The following KIF26A variants were observed in gnomAD, a reference collection of about 807,000 sequenced individuals.
The protein encoded by KIF26A is kinesin family member 26A.
In KIF26A, 74 loss-of-function variants were observed where a neutral mutation model predicts 126.0. The ratio of observed to expected loss-of-function variants is 0.59; its 90% CI spans 0.49 to 0.71. The LOEUF (loss-of-function observed/expected upper bound fraction) is 0.71, where lower values mean the gene tolerates loss of function less well. Among genes scored for constraint, KIF26A ranks in the 30% least tolerant of loss-of-function variants. The probability of loss-of-function intolerance (pLI) is 0.00; values close to 1 mark genes in which losing one functional copy is unlikely to be tolerated. For synonymous variants in KIF26A, 1,445 were observed against 1,232.7 expected, an observed-to-expected ratio of 1.17 and a Z score of -3.61; for missense variants, 2,984 against 2,763.3, an observed-to-expected ratio of 1.08 and a Z score of -1.79.
rs1299144051 is a variant in KIF26A, at chr14:104,151,968, C to T, written c.289-47C>T. ...TGCTGGTGGGCTCTGGGTGCCGGCC[C>T]TCCCTCCCCAGGCACTGACCCTGCC... On this transcript the variant is annotated intron_variant, in intron 2 of 14. Coordinates refer to ENST00000423312, the MANE Select transcript of KIF26A (RefSeq NM_015656.2). The surrounding 1 kb of genome is among the most constrained non-coding windows in gnomAD (Gnocchi z 4.9). The T allele has an allele frequency of 6.3e-7, 1 of 1,579,730 alleles. No individual in the cohort carries two copies. Among genetic ancestry groups the T allele is most frequent in the African/African-American group, 1.3e-5 (1 of 74,310 alleles).
At position 104,143,381 on chromosome 14, in the gene KIF26A, C is replaced by T. The variant is rs572295872; in HGVS notation, c.288+4093C>T. Among the ~76,000 whole-genome samples the T allele has an allele frequency of 1.6e-3, 240 of 152,330 alleles. 2 individuals carry two copies. The highest frequency in any genetic ancestry group is 5.3e-3 in the African/African-American group (221 of 41,582). Reference sequence around the variant, plus strand: ...CCTCCTACCGCTCTGTGTGGCTTGGCGAGTCCTGTTTCTCCTTGGACGCTG... The same window carrying T: ...CCTCCTACCGCTCTGTGTGGCTTGGTGAGTCCTGTTTCTCCTTGGACGCTG... On this transcript the variant is annotated intron_variant, in intron 2 of 14. Transcript: ENST00000423312.
At chr14:104,164,754 T>C (rs1261482096) in intron 4 of KIF26A, among the ~76,000 whole-genome samples, 2 of 147,692 alleles carry the variant, frequency 1.4e-5, no homozygotes. Context: ...TGTCTGTGTG[T>C]GTGCGCGTGT....
chr14:104,173,357 C>T lies in KIF26A; in HGVS notation c.1711C>T (p.Pro571Ser). 6.2e-7 allele frequency: 1 copy of T among 1,602,106 alleles called. No individual in the cohort carries two copies. The highest frequency in any genetic ancestry group is 1.7e-5 in the Admixed American group (1 of 58,448). The change falls in exon 9 of 15, where the codon CCC becomes TCC. Residue 571 changes from proline to serine, a missense_variant. By Grantham distance (74) the Pro-to-Ser change is moderately conservative (BLOSUM62 -1). Transcript: ENST00000423312. ...QLQNQSELRA[P>S]TAEKAAFYLD... Reference sequence around the variant, plus strand: ...CCAGAACCAAAGCGAGCTGCGGGCACCCACGGCCGAGAAGGCGGCTTTCTA... The same window carrying T: ...CCAGAACCAAAGCGAGCTGCGGGCATCCACGGCCGAGAAGGCGGCTTTCTA...
chr14:104,178,137 G>A (rs777249879), intron 12 of KIF26A, among the ~76,000 whole-genome samples: 6 of 152,232 alleles, frequency 3.9e-5, no homozygotes, highest in Admixed American at 6.5e-5. Context: ...GCCCCACCCT[G>A]CCCTGGGGGG....
At chr14:104,172,530 A>G (rs1311321233) in intron 6 of KIF26A, 45 bp from the exon 7 acceptor site, 4 of 1,481,142 alleles carry the variant, frequency 2.7e-6, no homozygotes, top group Admixed American at 1.7e-5. Context: ...CAGACGTGGC[A>G]GAAGGAAGGG....
rs1190491372 is a variant in KIF26A at position 104,179,931 on chromosome 14, AGT to A, written c.*145_*146del. ...GACGGGAGTCTCAGAGAGGAGACGGAGTGTGGGGGAGGGAGGGCCGGCCACGC... is the reference window on the plus strand; with the variant it reads ...GACGGGAGTCTCAGAGAGGAGACGGAGTGGGGGAGGGAGGGCCGGCCACGC... On this transcript the variant is annotated 3_prime_UTR_variant, in exon 15 of 15. Transcript: ENST00000423312. 2.4e-6 allele frequency: 2 copies of A among 845,534 alleles called. No individual in the cohort carries two copies. Among genetic ancestry groups the A allele is most frequent in the Middle Eastern group, 3.7e-4 (1 of 2,704 alleles). 52.4% of individuals were successfully genotyped at this position (845,534 alleles called of 1,614,324 possible).
intron 2 of KIF26A, among the ~76,000 whole-genome samples, chr14:104,147,970 G>A (rs2037694733): frequency 6.6e-6 from 1 of 152,230 alleles, no homozygotes; most frequent in African/African-American, 2.4e-5. Flanking sequence ...TGAGGTCTGG[G>A]GGTCTGATGG....
Position 104,179,746 on chromosome 14 carries a change from G to A in KIF26A, c.5605G>A (p.Ala1869Thr). Residue 1869 changes from alanine to threonine, a missense_variant, in exon 15 of 15, where the codon GCA (alanine) becomes ACA (threonine). Physicochemically the swap from Ala to Thr is moderately conservative, Grantham distance 58. Coordinates refer to ENST00000423312, the MANE Select transcript of KIF26A (RefSeq NM_015656.2). ...MMVTCFDISVAASAAIPGPQE... is the reference protein window; with the variant it reads ...MMVTCFDISVTASAAIPGPQE... The stretch of plus-strand genomic sequence containing the variant: ...GGTCACCTGCTTCGACATCAGCGTT[G>A]CAGCCAGTGCTGCCATCCCGGGGCC... 1 of 1,553,914 alleles carries A rather than the reference G, an allele frequency of 6.4e-7. No homozygotes were observed. Among genetic ancestry groups the A allele is most frequent in the Non-Finnish European group, 8.7e-7 (1 of 1,149,562 alleles).
At chr14:104,172,534 G>T in intron 6 of KIF26A, 41 bp from the exon 7 acceptor site, 1 of 1,507,728 alleles carries the variant, frequency 6.6e-7, no homozygotes. Context: ...CGTGGCAGAA[G>T]GAAGGGGCCA....
Position 104,166,946 on chromosome 14 carries a change from C to T in KIF26A, c.1011C>T (p.Pro337=). 6.3e-7 allele frequency: 1 copy of T among 1,592,634 alleles called. No homozygotes were observed. The highest frequency in any genetic ancestry group is 8.5e-7 in the Non-Finnish European group (1 of 1,170,660). ...CCACCCGCGGCACCTCCACCTACCC[C>T]ACCGACTTCAGCGGGGTCCTGCAGC... ...PPATRGTSTY[P]TDFSGVLQLW... The change falls in exon 5 of 15, where the codon CCC becomes CCT. Residue 337 remains proline, a synonymous_variant. Transcript: ENST00000423312.
At chr14:104,159,137 C>G (rs143770149) in intron 4 of KIF26A, among the ~76,000 whole-genome samples, 1 of 152,218 alleles carries the variant, frequency 6.6e-6, no homozygotes, top group African/African-American at 2.4e-5. Flanking sequence ...AGACCGCGCA[C>G]GTGACCAGTG....
rs2037732112 is a variant in KIF26A at position 104,151,802 on chromosome 14, A to G, written c.289-213A>G. Among the ~76,000 whole-genome samples the G allele has an allele frequency of 6.6e-6, 1 of 152,224 alleles. No individual in the cohort carries two copies. The highest frequency in any genetic ancestry group is 1.5e-5 in the Non-Finnish European group (1 of 68,030). ...CGGCTGGGGAAGGTGGACAGTTAAC[A>G]AGGACATTGTGAGCCTCACGATGAA... On this transcript the variant is annotated intron_variant, in intron 2 of 14. Transcript: ENST00000423312. The surrounding 1 kb of genome is among the most constrained non-coding windows in gnomAD (Gnocchi z 4.9).
In KIF26A at chr14:104,180,136, G is replaced by A. The variant is rs966027837; in HGVS notation, c.*346G>A. 8.5e-6 allele frequency: 2 copies of A among 235,644 alleles called. No individual in the cohort carries two copies. Among genetic ancestry groups the A allele is most frequent in the Admixed American group, 5.4e-5 (1 of 18,566 alleles). 14.6% of individuals were successfully genotyped at this position (235,644 alleles called of 1,614,324 possible). A position where few individuals can be genotyped will look rare whatever the true frequency, so the allele number is the denominator to read the frequency against. On this transcript the variant is annotated 3_prime_UTR_variant, in exon 15 of 15. Coordinates refer to ENST00000423312, the MANE Select transcript of KIF26A (RefSeq NM_015656.2). ...GCTGCGCCTGTCCGGGCCGGGGCTGGCGCCGGTTGTGTTTGTGTCCACCTT... is the reference window on the plus strand; with the variant it reads ...GCTGCGCCTGTCCGGGCCGGGGCTGACGCCGGTTGTGTTTGTGTCCACCTT...
rs1451451259 is a variant in KIF26A, at chr14:104,152,141, G to T, written c.415G>T (p.Ala139Ser). 4.3e-6 allele frequency: 7 copies of T among 1,611,260 alleles called. No homozygotes were observed. The highest frequency in any genetic ancestry group is 5.9e-6 in the Non-Finnish European group (7 of 1,179,502). ...ACACCTGCAGCAGCTCACACGGGAG[G>T]CCATGCACCTGCTGCAGGCCCCTGC... ...ATHLQQLTRE[A>S]MHLLQAPASH... The change falls in exon 3 of 15, where the codon GCC becomes TCC. Residue 139 changes from alanine to serine, a missense_variant. Ala to Ser is a moderately conservative substitution (Grantham distance 99). Transcript: ENST00000423312. This position sits in a 1 kb window ranked among gnomAD's most constrained non-coding sequence, Gnocchi z 5.9.
chr14:104,171,029 C>T (rs2037951555), intron 5 of KIF26A, among the ~76,000 whole-genome samples: 1 of 152,264 alleles, frequency 6.6e-6, no homozygotes, highest in African/African-American at 2.4e-5. Flanking sequence ...CCCCCAGCCT[C>T]AGTCTCCCCA....
At chr14:104,170,651 C>T (rs528889995) in intron 5 of KIF26A, among the ~76,000 whole-genome samples, 2 of 152,370 alleles carry the variant, frequency 1.3e-5, no homozygotes, top group African/African-American at 2.4e-5. Flanking sequence ...TCTGGCTCTG[C>T]GTTGGAGCCC....
In KIF26A at chr14:104,175,678, G is replaced by C; in HGVS notation, c.2890G>C (p.Ala964Pro). The C allele has an allele frequency of 6.2e-7, 1 of 1,606,108 alleles. No individual in the cohort carries two copies. The highest frequency in any genetic ancestry group is 1.1e-5 in the South Asian group (1 of 89,836). ...TCCTCAGTTGCTGGAAGCCTGCAGAGCCCCAGAAGAGCCTGGGGGAGGGGG... is the reference window on the plus strand; with the variant it reads ...TCCTCAGTTGCTGGAAGCCTGCAGACCCCCAGAAGAGCCTGGGGGAGGGGG... ...PPPQLLEACRAPEEPGGGGTD... is the reference protein window; with the variant it reads ...PPPQLLEACRPPEEPGGGGTD... The change falls in exon 12 of 15, where the codon GCC becomes CCC. Residue 964 changes from alanine (A) to proline (P), a missense_variant. Physicochemically the swap from Ala to Pro is conservative, Grantham distance 27 (BLOSUM62 -1). Coordinates refer to ENST00000423312, the MANE Select transcript of KIF26A (RefSeq NM_015656.2).
chr14:104,179,291 T>A lies in KIF26A; in HGVS notation c.5372T>A (p.Leu1791Gln). Reference protein sequence around the residue: ...LRLAERRQQRLREVQAKHKHL... With the variant: ...LRLAERRQQRQREVQAKHKHL... Reference sequence around the variant, plus strand: ...CTGGCGGAGCGCAGGCAGCAGCGGCTGCGGGAGGTGCAGGCCAAGCACAAG... The same window carrying A: ...CTGGCGGAGCGCAGGCAGCAGCGGCAGCGGGAGGTGCAGGCCAAGCACAAG... The change falls in exon 14 of 15, where the codon CTG becomes CAG. Residue 1791 changes from leucine to glutamine, a missense_variant. Leu to Gln is a moderately radical substitution (Grantham distance 113). Transcript: ENST00000423312. The A allele has an allele frequency of 1.3e-6, 2 of 1,534,590 alleles. No homozygotes were observed. Among genetic ancestry groups the A allele is most frequent in the South Asian group, 2.4e-5 (2 of 83,122 alleles).
At chr14:104,155,108 G>C (rs1294851951) in intron 3 of KIF26A, among the ~76,000 whole-genome samples, 1 of 152,186 alleles carries the variant, frequency 6.6e-6, no homozygotes, top group Middle Eastern at 3.2e-3. Context: ...ACCCGTGCAG[G>C]GGTGACACTG....
Sources: allele counts gnomAD v4.1 joint callset (sites outside exome capture counted in the v4.1 genomes callset), GRCh38; gene constraint gnomAD v4.1.1; non-coding constraint Gnocchi (gnomAD v3.1); transcripts MANE v1.5; gene names NCBI Gene and HGNC (gene_info 2026-07-23, HGNC 2026-07-21).